The following PLEKHA6 variants were observed in gnomAD, a reference collection of about 807,000 sequenced individuals.
The protein encoded by PLEKHA6 is pleckstrin homology domain containing A6.
PLEKHA6 carries 60 observed loss-of-function variants against 116.7 expected under a neutral mutation model. That is an observed-to-expected ratio of 0.51 (90% CI 0.42 to 0.64). PLEKHA6 has a LOEUF of 0.64. Among genes scored for constraint, PLEKHA6 ranks in the 30% least tolerant of loss-of-function variants. The pLI, the probability that PLEKHA6 is intolerant of heterozygous loss-of-function variation, is 0.00. For synonymous variants in PLEKHA6, 489 were observed against 556.1 expected, an observed-to-expected ratio of 0.88 and a Z score of 1.70; for missense variants, 1,338 against 1,422.7, an observed-to-expected ratio of 0.94 and a Z score of 0.96.
intron 3 of PLEKHA6, among the ~76,000 whole-genome samples, chr1:204,366,586 C>A (rs1673665449): frequency 6.6e-6 from 1 of 152,006 alleles, no homozygotes; most frequent in African/African-American, 2.4e-5. Context: ...CATGACAAAA[C>A]CCCATCTTGA....
At chr1:204,292,500 A>C (rs1669869256) in intron 1 of PLEKHA6, among the ~76,000 whole-genome samples, 1 of 151,638 alleles carries the variant, frequency 6.6e-6, no homozygotes, top group Non-Finnish European at 1.5e-5. Context: ...ACCCTGGCTG[A>C]TACCCACCTG....
chr1:204,261,481 C>T lies in PLEKHA6; in HGVS notation c.382-33G>A, dbSNP rs374762179. ...GAGAGGCAGCGTGTGGAGCTGGCCTCGGCCTCATCCACCCAGCACACAGTC... is the reference window on the plus strand; with the variant it reads ...GAGAGGCAGCGTGTGGAGCTGGCCTTGGCCTCATCCACCCAGCACACAGTC... On this transcript the variant is annotated intron_variant, in intron 6 of 22. Transcript: ENST00000272203. This position sits in a 1 kb window ranked among gnomAD's most constrained non-coding sequence, Gnocchi z 4.0. 73 of 1,576,856 alleles carry T rather than the reference C, an allele frequency of 4.6e-5. No homozygotes were observed. Among genetic ancestry groups the T allele is most frequent in the South Asian group, 8.2e-5 (7 of 84,938 alleles).
At chr1:204,358,558 C>G (rs1673478283) in intron 1 of PLEKHA6, among the ~76,000 whole-genome samples, 1 of 152,212 alleles carries the variant, frequency 6.6e-6, no homozygotes, top group African/African-American at 2.4e-5. Context: ...AGATACCTGC[C>G]AGCCAGGACC....
At chr1:204,254,894 C>A (rs942042087) in intron 9 of PLEKHA6, among the ~76,000 whole-genome samples, 1 of 152,058 alleles carries the variant, frequency 6.6e-6, no homozygotes, top group Non-Finnish European at 1.5e-5. Context: ...CATATTGACC[C>A]CCAGCCTGTC....
At chr1:204,358,899 C>T (rs1181705099) in intron 1 of PLEKHA6, among the ~76,000 whole-genome samples, 1 of 151,348 alleles carries the variant, frequency 6.6e-6, no homozygotes, top group Non-Finnish European at 1.5e-5. Context: ...TCTCCCTTCT[C>T]CCCCACCCCC....
At position 204,220,076 on chromosome 1, in the gene PLEKHA6, C is replaced by A. The variant is rs530505681; in HGVS notation, c.*2712G>T. The A allele has an allele frequency of 2.0e-5, 3 of 152,220 alleles. No homozygotes were observed. The highest frequency in any genetic ancestry group is 4.4e-5 in the Non-Finnish European group (3 of 68,056). 9.4% of individuals were successfully genotyped at this position (152,220 alleles called of 1,614,324 possible). Reference sequence around the variant, plus strand: ...GTCTGTGCTACAGGGCCAGGGATGGCCCAGAGGATCCCAAGCCGCCTCCTC... The same window carrying A: ...GTCTGTGCTACAGGGCCAGGGATGGACCAGAGGATCCCAAGCCGCCTCCTC... On this transcript the variant is annotated 3_prime_UTR_variant, in exon 23 of 23. Coordinates refer to ENST00000272203, the MANE Select transcript of PLEKHA6 (RefSeq NM_014935.5).
intron 1 of PLEKHA6, among the ~76,000 whole-genome samples, chr1:204,282,430 T>C (rs1039886778): frequency 2.0e-5 from 3 of 152,072 alleles, no homozygotes; most frequent in African/African-American, 7.2e-5. Flanking sequence ...CTCTTCCATG[T>C]TGGTGGGTGA....
In PLEKHA6 at chr1:204,228,310, G is replaced by C. The variant is rs1321326917; in HGVS notation, c.2886-82C>G. 7 of 1,399,090 alleles carry C rather than the reference G, an allele frequency of 5.0e-6. No homozygotes were observed. Among genetic ancestry groups the C allele is most frequent in the Non-Finnish European group, 6.8e-6 (7 of 1,022,754 alleles). The allele number at this position is 1,399,090 out of a possible 1,614,324, so 86.7% of individuals were successfully genotyped here. A position where few individuals can be genotyped will look rare whatever the true frequency, so the allele number is the denominator to read the frequency against. ...TGAGGGGGCCTGCGGACTGAGGTTGGCAGGGAGGGCCAGGGCCCCGTGAAT... is the reference window on the plus strand; with the variant it reads ...TGAGGGGGCCTGCGGACTGAGGTTGCCAGGGAGGGCCAGGGCCCCGTGAAT... On this transcript the variant is annotated intron_variant, in intron 20 of 22. Coordinates refer to ENST00000272203, the MANE Select transcript of PLEKHA6 (RefSeq NM_014935.5). The surrounding 1 kb of genome is among the most constrained non-coding windows in gnomAD (Gnocchi z 4.0).
chr1:204,358,868 C>A (rs1258647037), intron 1 of PLEKHA6, among the ~76,000 whole-genome samples: 3 of 151,938 alleles, frequency 2.0e-5, no homozygotes, highest in Non-Finnish European at 2.9e-5. Context: ...GAGCATTTCC[C>A]AGGAGCCTCT....
At chr1:204,370,130 C>A (rs556736461) in intron 2 of PLEKHA6, among the ~76,000 whole-genome samples, 1 of 152,362 alleles carries the variant, frequency 6.6e-6, no homozygotes, top group South Asian at 2.1e-4. Flanking sequence ...AACCATGACA[C>A]CACTTTGCTT....
intron 1 of PLEKHA6, among the ~76,000 whole-genome samples, chr1:204,340,098 C>T (rs899320641): frequency 2.6e-5 from 4 of 152,046 alleles, no homozygotes; most frequent in Non-Finnish European, 4.4e-5. Context: ...GGGTCATGAC[C>T]GCATGAGAAT....
chr1:204,240,189 T>A (rs1200332839), intron 17 of PLEKHA6, among the ~76,000 whole-genome samples: 1 of 152,154 alleles, frequency 6.6e-6, no homozygotes, highest in Non-Finnish European at 1.5e-5. Flanking sequence ...CATTAGGGCA[T>A]CTCTTAGTAT....
At chr1:204,361,461 G>A (rs987363828), upstream of PLEKHA6, among the ~76,000 whole-genome samples, 1 of 152,222 alleles carries the variant, frequency 6.6e-6, no homozygotes, top group Non-Finnish European at 1.5e-5. Flanking sequence ...CAGGGACCTA[G>A]AGAGCTACTG....
chr1:204,375,295 G>A lies in PLEKHA6; in HGVS notation c.83+2288C>T, dbSNP rs569588372. ...AGACAGCATCTCCTGAATGTCCCCC[G>A]GGAACCTCAACTGCAGTGTTTCCCC... On this transcript the variant is annotated intron_variant, in intron 1 of 4. Coordinates refer to the PLEKHA6 transcript ENST00000564627. Among the ~76,000 whole-genome samples the A allele has an allele frequency of 5.9e-5, 9 of 151,940 alleles. No individual in the cohort carries two copies. In the East Asian group the frequency reaches 1.5e-3, roughly 26 times the overall value.
At chr1:204,243,313 T>A (rs1287312384) in intron 15 of PLEKHA6, 1 of 399,612 alleles carries the variant, frequency 2.5e-6, no homozygotes, top group African/African-American at 2.1e-5. Flanking sequence ...GCAGCCACTG[T>A]GAGAGCAGGA....
At chr1:204,364,182 T>G (rs1673611326), upstream of PLEKHA6, among the ~76,000 whole-genome samples, 1 of 152,252 alleles carries the variant, frequency 6.6e-6, no homozygotes, top group South Asian at 2.1e-4. Context: ...AATCCATGTC[T>G]GAAGTCGTTT....
At position 204,261,558 on chromosome 1, in the gene PLEKHA6, A is replaced by G; in HGVS notation, c.382-110T>C. 3 of 1,240,956 alleles carry G rather than the reference A, an allele frequency of 2.4e-6. No individual in the cohort carries two copies. 76.9% of individuals were successfully genotyped at this position (1,240,956 alleles called of 1,614,324 possible). Reference sequence around the variant, plus strand: ...CACAGAATGGGCAGTCAGTTGGGCCATTCCCTGCACCTGGGGCTCTTCCCC... The same window carrying G: ...CACAGAATGGGCAGTCAGTTGGGCCGTTCCCTGCACCTGGGGCTCTTCCCC... On this transcript the variant is annotated intron_variant, in intron 6 of 22. Coordinates refer to ENST00000272203, the MANE Select transcript of PLEKHA6 (RefSeq NM_014935.5). The surrounding 1 kb of genome is among the most constrained non-coding windows in gnomAD (Gnocchi z 4.0).
At chr1:204,295,503 C>A (rs1306646904) in intron 1 of PLEKHA6, among the ~76,000 whole-genome samples, 32 of 137,944 alleles carry the variant, frequency 2.3e-4, no homozygotes, top group Non-Finnish European at 3.0e-4. Flanking sequence ...AAAAAAAAAA[C>A]AAACAACAAA....
In PLEKHA6 at chr1:204,259,279, G is replaced by A. The variant is rs978648551; in HGVS notation, c.986C>T (p.Pro329Leu). 6 of 1,613,898 alleles carry A rather than the reference G, an allele frequency of 3.7e-6. No homozygotes were observed. The highest frequency in any genetic ancestry group is 3.3e-4 in the Middle Eastern group (2 of 6,062). The change falls in exon 8 of 23, where the codon CCC becomes CTC. Residue 329 changes from proline (P) to leucine (L), a missense_variant. Coordinates refer to ENST00000272203, the MANE Select transcript of PLEKHA6 (RefSeq NM_014935.5). The surrounding 1 kb of genome is among the most constrained non-coding windows in gnomAD (Gnocchi z 4.6). ...QQWVNLRRGV[P>L]PPEDLRSPSR... ...TCACCTCCGAAGGTCTTCAGGCGGG[G>A]GTACCCCCCGGCGCAGATTCACCCA...
Sources: gnomAD v4.1 joint callset for allele counts (sites outside exome capture counted in the v4.1 genomes callset) on GRCh38, gnomAD v4.1.1 for gene constraint, Gnocchi (gnomAD v3.1) non-coding constraint, MANE v1.5 for transcripts, NCBI Gene and HGNC (gene_info 2026-07-23, HGNC 2026-07-21) for gene names.